Variants in PKIB observed in about 807,000 individuals in gnomAD.
PKIB encodes the protein cAMP-dependent protein kinase inhibitor beta, also known as PKI-beta.
PKIB carries 2 observed loss-of-function variants against 4.5 expected under a neutral mutation model. The ratio of observed to expected loss-of-function variants is 0.44; its 90% CI spans 0.18 to 1.39. The LOEUF (loss-of-function observed/expected upper bound fraction) is 1.39, where lower values mean the gene tolerates loss of function less well. Ranked by LOEUF, PKIB falls within the 40% of genes most tolerant of loss-of-function variation. The probability of loss-of-function intolerance (pLI) is 0.27; values close to 1 mark genes in which losing one functional copy is unlikely to be tolerated. For missense variants in PKIB, 94 were observed against 92.6 expected (o/e 1.02, Z -0.06); for synonymous variants, 38 against 36.0 (o/e 1.06, Z -0.20).
At chr6:122,649,227 C>T (rs1776449798) in intron 2 of PKIB, among the ~76,000 whole-genome samples, 2 of 152,186 alleles carry the variant, frequency 1.3e-5, no homozygotes, top group South Asian at 2.1e-4. Context: ...CTGTTGACCA[C>T]AGCCCATCAG....
At chr6:122,700,084 G>GC (rs1229496877) in intron 3 of PKIB, among the ~76,000 whole-genome samples, 3 of 152,016 alleles carry the variant, frequency 2.0e-5, no homozygotes, top group African/African-American at 7.2e-5. Flanking sequence ...GCCAATCAGT[G>GC]CCCCTTTATC....
intron 2 of PKIB, among the ~76,000 whole-genome samples, chr6:122,669,193 T>C (rs981592827): frequency 6.6e-6 from 1 of 152,230 alleles, no homozygotes; most frequent in Non-Finnish European, 1.5e-5. Flanking sequence ...CAGAATGTCA[T>C]AGGTATCTGT....
chr6:122,530,953 A>G (rs1269873680), intron 2 of PKIB, among the ~76,000 whole-genome samples: 1 of 152,164 alleles, frequency 6.6e-6, no homozygotes, highest in Non-Finnish European at 1.5e-5. Flanking sequence ...GGCTTACTTA[A>G]GTGATGTATC....
intron 2 of PKIB, among the ~76,000 whole-genome samples, chr6:122,494,930 G>C (rs1365679954): frequency 6.6e-6 from 1 of 152,190 alleles, no homozygotes; most frequent in East Asian, 1.9e-4. Context: ...CCAATACAGA[G>C]AGCCACCTGG....
At chr6:122,497,774 C>T (rs1236229058) in intron 2 of PKIB, among the ~76,000 whole-genome samples, 1 of 152,142 alleles carries the variant, frequency 6.6e-6, no homozygotes, top group Non-Finnish European at 1.5e-5. Flanking sequence ...GGGGACTTTA[C>T]CATTCCACTG....
intron 2 of PKIB, among the ~76,000 whole-genome samples, chr6:122,561,530 T>C (rs1260507412): frequency 6.6e-6 from 1 of 152,056 alleles, no homozygotes; most frequent in Non-Finnish European, 1.5e-5. Flanking sequence ...TCTGAGGTTG[T>C]GTTGCTGTCT....
intron 2 of PKIB, chr6:122,531,252 G>A (rs993667078): frequency 4.6e-5 from 7 of 151,240 alleles, no homozygotes; most frequent in Admixed American, 2.6e-4. Flanking sequence ...CTGCTGCCCC[G>A]TCATGTCCAC....
intron 1 of PKIB, among the ~76,000 whole-genome samples, chr6:122,626,097 GAGAT>G (rs1360843842): frequency 2.0e-5 from 3 of 151,650 alleles, no homozygotes; most frequent in African/African-American, 7.3e-5. Context: ...TAGATAGATA[GAGAT>G]AGATTAGAAG....
chr6:122,483,613 G>T (rs1293847159), intron 2 of PKIB: 4 of 152,184 alleles, frequency 2.6e-5, no homozygotes, highest in African/African-American at 9.7e-5. Context: ...TTAGAACTTG[G>T]ACTTATATAG....
intron 2 of PKIB, among the ~76,000 whole-genome samples, chr6:122,485,050 C>T (rs1257467457): frequency 3.3e-5 from 5 of 152,154 alleles, no homozygotes; most frequent in Non-Finnish European, 7.3e-5. Flanking sequence ...CTGTACTTCA[C>T]TTCCCTTTTT....
intron 2 of PKIB, among the ~76,000 whole-genome samples, chr6:122,561,782 C>G (rs1395307619): frequency 6.6e-6 from 1 of 152,012 alleles, no homozygotes; most frequent in African/African-American, 2.4e-5. Context: ...TTTTCCACCC[C>G]TTTACTTTAA....
chr6:122,539,401 C>A (rs541260924), intron 2 of PKIB, among the ~76,000 whole-genome samples: 10 of 151,900 alleles, frequency 6.6e-5, no homozygotes, highest in African/African-American at 2.2e-4. Context: ...AGCATTGTTG[C>A]ATTTTGTCAA....
intron 2 of PKIB, among the ~76,000 whole-genome samples, chr6:122,673,570 A>G (rs1417448600): frequency 6.6e-6 from 1 of 152,226 alleles, no homozygotes; most frequent in Non-Finnish European, 1.5e-5. Flanking sequence ...AAGAGCAAAG[A>G]TCATTTGAGA....
At chr6:122,579,748 T>A (rs1432563089) in intron 2 of PKIB, among the ~76,000 whole-genome samples, 1 of 152,182 alleles carries the variant, frequency 6.6e-6, no homozygotes, top group East Asian at 1.9e-4. Flanking sequence ...AGAATATTTT[T>A]ACTGCAAATA....
At chr6:122,711,170 A>G (rs1464152544) in intron 3 of PKIB, among the ~76,000 whole-genome samples, 2 of 152,072 alleles carry the variant, frequency 1.3e-5, no homozygotes, top group Non-Finnish European at 2.9e-5. Flanking sequence ...ACAGGGACAC[A>G]CACACCCCAC....
intron 3 of PKIB, among the ~76,000 whole-genome samples, chr6:122,590,554 G>A (rs970854944): frequency 1.3e-5 from 2 of 152,162 alleles, no homozygotes; most frequent in South Asian, 4.1e-4. Context: ...CCCTCCAGTG[G>A]AAGTGTATAA....
At chr6:122,621,225 G>A (rs1562273408) in intron 1 of PKIB, among the ~76,000 whole-genome samples, 1 of 152,014 alleles carries the variant, frequency 6.6e-6, no homozygotes, top group Non-Finnish European at 1.5e-5. Context: ...GCTTCTGGGG[G>A]GATTAATGAG....
At chr6:122,676,117 C>T (rs375664496) in intron 3 of PKIB, among the ~76,000 whole-genome samples, 3 of 151,588 alleles carry the variant, frequency 2.0e-5, no homozygotes, top group African/African-American at 7.3e-5. Flanking sequence ...TCAATGGGAG[C>T]GCTGAGCTTG....
chr6:122,485,921 TATTTTTTTGTCCCAA>T (rs1308922707), intron 2 of PKIB, among the ~76,000 whole-genome samples: 4 of 152,224 alleles, frequency 2.6e-5, no homozygotes, highest in African/African-American at 7.2e-5. Flanking sequence ...GTCTCTCTTC[TATTTTTTTGTCCCAA>T]ATTTACAACA....
Sources: gnomAD v4.1 joint callset for allele counts (sites outside exome capture counted in the v4.1 genomes callset) on GRCh38, gnomAD v4.1.1 for gene constraint, MANE v1.5 for transcripts, NCBI Gene and HGNC (gene_info 2026-07-23, HGNC 2026-07-21) for gene names.